Variants in ABCA9 observed in about 807,000 individuals in gnomAD.
The protein encoded by ABCA9 is ATP-binding cassette sub-family A member 9.
ABCA9 carries 183 observed loss-of-function variants against 205.3 expected under a neutral mutation model. The ratio of observed to expected loss-of-function variants is 0.89; its 90% CI spans 0.79 to 1.01. The LOEUF (loss-of-function observed/expected upper bound fraction) is 1.01. ABCA9 is among the 50% of genes least tolerant of loss of function. ABCA9 has a pLI of 0.00. For synonymous variants in ABCA9, 651 were observed against 683.3 expected (o/e 0.95, Z 0.74); for missense variants, 1,805 against 1,912.4 (o/e 0.94, Z 1.05).
At chr17:69,026,535 A>C in intron 15 of ABCA9, 68 bp from the exon 16 acceptor site, 2 of 1,303,440 alleles carry the variant, frequency 1.5e-6, no homozygotes, top group Non-Finnish European at 2.2e-6. Context: ...CAAAACACAA[A>C]TCTATTAACA....
chr17:69,024,987 A>G (rs2070933693), intron 16 of ABCA9, among the ~76,000 whole-genome samples: 1 of 152,166 alleles, frequency 6.6e-6, no homozygotes, highest in Admixed American at 6.6e-5. Flanking sequence ...TGGTGAGAAG[A>G]TCACAATTGA....
At chr17:69,074,677 C>T in the ABCA9 span, among the ~76,000 whole-genome samples, 9 of 152,190 alleles carry the variant, frequency 5.9e-5, no homozygotes, top group Admixed American at 5.2e-4. Context: ...TCGGTTGATT[C>T]CATGTCTTTA....
At chr17:68,992,029 T>C (rs2069469101) in intron 28 of ABCA9, 146 bp downstream of exon 28, 1 of 509,200 alleles carries the variant, frequency 2.0e-6, no homozygotes. Flanking sequence ...TATATTCCTA[T>C]ATTATGGGTT....
At chr17:69,061,482 CTGAG>C, upstream of ABCA9, among the ~76,000 whole-genome samples, 1 of 152,294 alleles carries the variant, frequency 6.6e-6, no homozygotes, top group Non-Finnish European at 1.5e-5. Context: ...AAAAGAAACT[CTGAG>C]TTTCCATCTG....
intron 1 of ABCA9, 42 bp downstream of exon 1, chr17:69,060,824 T>A: frequency 1.0e-6 from 1 of 975,764 alleles, no homozygotes; most frequent in African/African-American, 1.7e-5. Flanking sequence ...TTATGTTATA[T>A]TTCTATATGC....
At chr17:69,062,330 C>G (rs1471123632), upstream of ABCA9, among the ~76,000 whole-genome samples, 2 of 151,720 alleles carry the variant, frequency 1.3e-5, no homozygotes, top group South Asian at 4.2e-4. Context: ...GAACTTTGTA[C>G]CTAGGTTAGA....
At position 68,989,844 on chromosome 17, in the gene ABCA9, G is replaced by A. The variant is rs1358884352; in HGVS notation, c.3924C>T (p.Ala1308=). Residue 1308 remains alanine (A), a synonymous_variant, in exon 30 of 39, where the codon GCC becomes GCT. Transcript: ENST00000340001. The stretch of plus-strand genomic sequence containing the variant: ...TAACACAAAAAGAGACATTTCTTGT[G>A]GCAATTTTTTTCTTCCTTTTAGAAA... ...NCFSKRKKKI[A]TRNVSFCVKK... 1.2e-6 allele frequency: 2 copies of A among 1,607,628 alleles called. No homozygotes were observed. Among genetic ancestry groups the A allele is most frequent in the Non-Finnish European group, 1.7e-6 (2 of 1,174,370 alleles).
intron 20 of ABCA9, chr17:69,018,075 C>CT: frequency 2.6e-6 from 1 of 378,596 alleles, no homozygotes; most frequent in East Asian, 4.5e-5. Flanking sequence ...GTCTATCTAT[C>CT]TTTTTAAATT....
chr17:69,044,639 C>A (rs765403011), intron 4 of ABCA9, 39 bp from the exon 5 acceptor site: 47 of 1,582,118 alleles, frequency 3.0e-5, no homozygotes, highest in Non-Finnish European at 3.6e-5. Flanking sequence ...CGGAATGATA[C>A]AATCTTGGCT....
Position 68,993,025 on chromosome 17 carries a change from T to C in ABCA9, c.3615A>G (p.Ala1205=), listed in dbSNP as rs1372724734. ...GASESEIVYL[A]LLIPYLHFLI... is the part of the protein sequence containing the mutation. ...AAAAAAGTCTTCTTACTATTAGCAG[T>C]GCCAGGTATACAATTTCAGATTCTG... is the stretch of plus-strand genomic sequence containing the variant. Residue 1205 remains alanine, a synonymous_variant, in exon 27 of 39, where the codon GCA becomes GCG. Transcript: ENST00000340001. The C allele has an allele frequency of 1.2e-6, 2 of 1,612,930 alleles. No individual in the cohort carries two copies. Among genetic ancestry groups the C allele is most frequent in the Non-Finnish European group, 1.7e-6 (2 of 1,179,346 alleles).
intron 30 of ABCA9, 118 bp downstream of exon 30, chr17:68,989,695 G>C: frequency 1.6e-6 from 1 of 623,756 alleles, no homozygotes; most frequent in Non-Finnish European, 2.8e-6. Flanking sequence ...AGCAGGAGGA[G>C]CAGGCTTAGC....
chr17:68,982,756 G>A, intron 36 of ABCA9, 115 bp from the exon 37 acceptor site: 1 of 738,916 alleles, frequency 1.4e-6, no homozygotes, highest in Non-Finnish European at 2.3e-6. Flanking sequence ...TGTAACCACT[G>A]CAATTTGGGA....
the ABCA9 span, among the ~76,000 whole-genome samples, chr17:69,072,017 G>A: frequency 1.3e-5 from 2 of 152,142 alleles, no homozygotes; most frequent in African/African-American, 4.8e-5. Flanking sequence ...TCATCTTAAT[G>A]AAATAAAGCA....
chr17:68,977,565 C>G (rs2068924865), intron 37 of ABCA9, among the ~76,000 whole-genome samples: 1 of 152,152 alleles, frequency 6.6e-6, no homozygotes, highest in South Asian at 2.1e-4. Context: ...CGAAGCAAGT[C>G]TGACCAAGAA....
chr17:69,012,215 C>T (rs1045958461), intron 22 of ABCA9, 132 bp from the exon 23 acceptor site: 1 of 567,916 alleles, frequency 1.8e-6, no homozygotes, highest in Non-Finnish European at 3.1e-6. Flanking sequence ...CTATATGCAA[C>T]TTCTTACCCA....
intron 26 of ABCA9, among the ~76,000 whole-genome samples, chr17:68,994,417 C>T (rs76810866): frequency 0.029 from 4,489 of 152,302 alleles, 104 homozygotes; most frequent in Non-Finnish European, 0.048. Context: ...CTGATTGAAC[C>T]CAACTCTCTG....
intron 21 of ABCA9, among the ~76,000 whole-genome samples, chr17:69,016,689 C>T (rs1489593086): frequency 2.0e-5 from 3 of 152,094 alleles, no homozygotes; most frequent in African/African-American, 7.2e-5. Flanking sequence ...ATAGTGCAAC[C>T]TCAGTTTAAC....
intron 26 of ABCA9, among the ~76,000 whole-genome samples, chr17:68,994,423 C>G (rs1196940289): frequency 6.6e-6 from 1 of 152,226 alleles, no homozygotes; most frequent in African/African-American, 2.4e-5. Context: ...GAACCCAACT[C>G]TCTGCCTTTC....
chr17:68,982,554 ACT>A lies in ABCA9; in HGVS notation c.4720+6_4720+7del. ...CCCAGAGTTTTGTCTCTAAACAGTCACTCTTACCTATCTCTAATTTGAAGAAA... is the reference window on the plus strand; with the variant it reads ...CCCAGAGTTTTGTCTCTAAACAGTCACTTACCTATCTCTAATTTGAAGAAA... On this transcript the variant is annotated splice_donor_region_variant and intron_variant, in intron 37 of 38. Coordinates refer to ENST00000340001, the MANE Select transcript of ABCA9 (RefSeq NM_080283.4). The A allele has an allele frequency of 3.1e-6, 5 of 1,609,688 alleles. No homozygotes were observed. Among genetic ancestry groups the A allele is most frequent in the Non-Finnish European group, 4.3e-6 (5 of 1,176,106 alleles).
Sources: gnomAD v4.1 joint callset for allele counts (sites outside exome capture counted in the v4.1 genomes callset) on GRCh38, gnomAD v4.1.1 for gene constraint, MANE v1.5 for transcripts, NCBI Gene and HGNC (gene_info 2026-07-23, HGNC 2026-07-21) for gene names.